The following HEPACAM2 variants were observed in gnomAD, a reference collection of about 807,000 sequenced individuals.
HEPACAM2 encodes the protein HEPACAM family member 2, also known as mitotic kinetics regulator.
Under a neutral mutation model 49.6 loss-of-function variants are expected in HEPACAM2, and 49 were observed. That is an observed-to-expected ratio of 0.99 (90% CI 0.78 to 1.25). HEPACAM2 has a LOEUF of 1.25. HEPACAM2 is among the 50% of genes most tolerant of loss of function. The pLI is 0.00. For synonymous variants in HEPACAM2, 197 were observed against 202.9 expected (o/e 0.97, Z 0.25); for missense variants, 525 against 557.2 (o/e 0.94, Z 0.58).
chr7:93,195,740 C>T (rs1212530228), intron 8 of HEPACAM2, 88 bp downstream of exon 8: 3 of 962,676 alleles, frequency 3.1e-6, no homozygotes, highest in Non-Finnish European at 5.0e-6. Flanking sequence ...CATTTGACCA[C>T]ACTGCCCAGT....
intron 4 of HEPACAM2, among the ~76,000 whole-genome samples, chr7:93,204,219 A>T (rs1020811691): frequency 9.2e-5 from 14 of 152,164 alleles, no homozygotes; most frequent in Non-Finnish European, 2.9e-5. Flanking sequence ...ATAAATCTCA[A>T]ACTATGCCCA....
chr7:93,211,776 G>A (rs147457238), intron 3 of HEPACAM2, among the ~76,000 whole-genome samples: 27 of 152,044 alleles, frequency 1.8e-4, no homozygotes, highest in African/African-American at 6.3e-4. Context: ...GGGAGAGCAA[G>A]AGACCTGAGT....
At chr7:93,230,043 C>T (rs1341689912), upstream of HEPACAM2, among the ~76,000 whole-genome samples, 1 of 152,138 alleles carries the variant, frequency 6.6e-6, no homozygotes, top group Non-Finnish European at 1.5e-5. Context: ...TTATCCATTT[C>T]TCCAGTTTGT....
chr7:93,207,594 G>A (rs1054499010), intron 4 of HEPACAM2, among the ~76,000 whole-genome samples: 2 of 151,928 alleles, frequency 1.3e-5, no homozygotes, highest in African/African-American at 4.8e-5. Context: ...ACACAACTCG[G>A]TGACTGAATG....
chr7:93,189,946 A>T (rs2116616354), intron 9 of HEPACAM2, among the ~76,000 whole-genome samples: 1 of 152,164 alleles, frequency 6.6e-6, no homozygotes. Context: ...AACCACAGAT[A>T]ATCAGGAAAG....
At chr7:93,228,885 G>A (rs117285361), upstream of HEPACAM2, among the ~76,000 whole-genome samples, 1 of 152,014 alleles carries the variant, frequency 6.6e-6, no homozygotes, top group South Asian at 2.1e-4. Context: ...GTGTGTGTGT[G>A]TGTATGTGTG....
At position 93,188,651 on chromosome 7, in the gene HEPACAM2, T is replaced by C. The variant is rs1328117482; in HGVS notation, c.*616A>G. ...CTTGAAAAAAATAAAAATAAGACTT[T>C]AATAGTCATTTCCTTAAGTGTTCAC... On this transcript the variant is annotated 3_prime_UTR_variant, in exon 10 of 10. Transcript: ENST00000394468. 3 of 183,464 alleles carry C rather than the reference T, an allele frequency of 1.6e-5. No homozygotes were observed. Among genetic ancestry groups the C allele is most frequent in the Non-Finnish European group, 2.2e-5 (2 of 89,506 alleles). 11.4% of individuals were successfully genotyped at this position (183,464 alleles called of 1,614,324 possible).
At chr7:93,225,028 A>T (rs192627535) in intron 1 of HEPACAM2, among the ~76,000 whole-genome samples, 1 of 152,230 alleles carries the variant, frequency 6.6e-6, no homozygotes, top group Admixed American at 6.5e-5. Flanking sequence ...AGGTATAAAA[A>T]CTGCTTTAGC....
chr7:93,193,199 G>A (rs958466589), intron 8 of HEPACAM2, among the ~76,000 whole-genome samples: 6 of 152,056 alleles, frequency 3.9e-5, no homozygotes. Context: ...ACTATCTCAT[G>A]TTAATTTGAC....
intron 7 of HEPACAM2, among the ~76,000 whole-genome samples, chr7:93,196,764 A>G (rs1291904446): frequency 1.3e-5 from 2 of 152,168 alleles, no homozygotes; most frequent in Non-Finnish European, 1.5e-5. Flanking sequence ...GTCAATATTG[A>G]TGATAATGAG....
chr7:93,228,422 C>G (rs917897758), upstream of HEPACAM2, among the ~76,000 whole-genome samples: 1 of 151,716 alleles, frequency 6.6e-6, no homozygotes. Flanking sequence ...CATGACAAAG[C>G]GCCCTCTAGT....
intron 4 of HEPACAM2, among the ~76,000 whole-genome samples, chr7:93,208,111 A>G (rs1002270029): frequency 2.0e-5 from 3 of 152,008 alleles, no homozygotes; most frequent in African/African-American, 7.2e-5. Context: ...GTGAACTTCC[A>G]TAGATTTCAG....
intron 1 of HEPACAM2, 34 bp downstream of exon 1, chr7:93,226,334 A>G (rs1374539863): frequency 6.6e-7 from 1 of 1,515,178 alleles, no homozygotes; most frequent in Non-Finnish European, 9.1e-7. Flanking sequence ...AAAACCTAAC[A>G]AACAGCTAAA....
chr7:93,207,085 T>C (rs1341788026), intron 4 of HEPACAM2, among the ~76,000 whole-genome samples: 1 of 152,120 alleles, frequency 6.6e-6, no homozygotes, highest in African/African-American at 2.4e-5. Context: ...CTAGGTGATC[T>C]TGATGCAGAT....
chr7:93,224,265 T>G (rs1794501197), intron 1 of HEPACAM2, among the ~76,000 whole-genome samples: 1 of 151,956 alleles, frequency 6.6e-6, no homozygotes, highest in African/African-American at 2.4e-5. Flanking sequence ...CTGTCTCTAT[T>G]TGAAAAAATA....
upstream of HEPACAM2, chr7:93,226,624 A>C: frequency 2.1e-6 from 1 of 483,686 alleles, no homozygotes; most frequent in Non-Finnish European, 3.7e-6. Flanking sequence ...GTGCTTAGCA[A>C]GAATACAGGC....
At chr7:93,189,373 T>G (rs759957476) in intron 9 of HEPACAM2, 103 bp from the exon 10 acceptor site, 78 of 689,728 alleles carry the variant, frequency 1.1e-4, no homozygotes, top group Non-Finnish European at 1.6e-4. Flanking sequence ...GGCTACAGAT[T>G]AGAAGAATGT....
chr7:93,219,517 G>A (rs748669977), intron 1 of HEPACAM2, 66 bp from the exon 2 acceptor site: 14 of 1,603,434 alleles, frequency 8.7e-6, no homozygotes, highest in Middle Eastern at 2.2e-4. Flanking sequence ...AGGGGCAAAT[G>A]CAGAGAGAAC....
chr7:93,201,391 G>T (rs1363441506), intron 4 of HEPACAM2, among the ~76,000 whole-genome samples: 1 of 151,526 alleles, frequency 6.6e-6, no homozygotes. Flanking sequence ...TTATTCCTTT[G>T]CTCTCTCCTT....
Sources: allele counts gnomAD v4.1 joint callset (sites outside exome capture counted in the v4.1 genomes callset), GRCh38; gene constraint gnomAD v4.1.1; transcripts MANE v1.5; gene names NCBI Gene and HGNC (gene_info 2026-07-23, HGNC 2026-07-21).